Variants in PRRX2 observed in about 807,000 individuals in gnomAD.
PRRX2 encodes paired related homeobox 2, also known as paired mesoderm homeobox protein 2.
Under a neutral mutation model 18.0 loss-of-function variants are expected in PRRX2, and 11 were observed. The observed-to-expected ratio is 0.61, with a 90% CI of 0.39 to 1.01. The LOEUF is 1.01. Ranked by LOEUF, PRRX2 falls within the 50% of genes least tolerant of loss-of-function variation. The pLI is 0.01. For synonymous variants in PRRX2, 177 were observed against 154.8 expected, an observed-to-expected ratio of 1.14 and a Z score of -1.06; for missense variants, 387 against 351.0, an observed-to-expected ratio of 1.10 and a Z score of -0.82.
At chr9:129,703,510 C>T (rs751385946) in intron 1 of PRRX2, among the ~76,000 whole-genome samples, 4 of 152,154 alleles carry the variant, frequency 2.6e-5, no homozygotes, top group African/African-American at 7.2e-5. Flanking sequence ...ATAAATCACC[C>T]CTGATCACTG....
intron 1 of PRRX2, among the ~76,000 whole-genome samples, chr9:129,698,691 C>G (rs1424384065): frequency 6.6e-6 from 1 of 152,174 alleles, no homozygotes; most frequent in East Asian, 1.9e-4. Flanking sequence ...CGCCCCCTCA[C>G]GTCACTACCT....
chr9:129,674,704 T>C (rs1348826332), intron 1 of PRRX2, among the ~76,000 whole-genome samples: 1 of 152,046 alleles, frequency 6.6e-6, no homozygotes, highest in Non-Finnish European at 1.5e-5. Flanking sequence ...CAAGACGCAG[T>C]GAGAAGGGCC....
intron 1 of PRRX2, among the ~76,000 whole-genome samples, chr9:129,698,565 G>A (rs1832458246): frequency 1.3e-5 from 2 of 152,226 alleles, no homozygotes; most frequent in South Asian, 2.1e-4. Context: ...TAGGGTGGGG[G>A]TGTCAGCCAT....
Position 129,665,851 on chromosome 9 carries a change from C to A in PRRX2, c.-17C>A. 9.6e-7 allele frequency: 1 copy of A among 1,036,728 alleles called. No homozygotes were observed. The allele number at this position is 1,036,728 out of a possible 1,614,324, so 64.2% of individuals were successfully genotyped here. A position where few individuals can be genotyped will look rare whatever the true frequency, so the allele number is the denominator to read the frequency against. ...AGCCCGAGACCCCCGCCGGCCCCCC[C>A]GGGGCCGCTCGCGGGCATGGACAGC... is the stretch of plus-strand genomic sequence containing the variant. On this transcript the variant is annotated 5_prime_UTR_variant, in exon 1 of 4. Coordinates refer to ENST00000372469, the MANE Select transcript of PRRX2 (RefSeq NM_016307.4). The surrounding 1 kb of genome is among the most constrained non-coding windows in gnomAD (Gnocchi z 5.3).
Position 129,675,818 on chromosome 9 carries a change from A to T in PRRX2, c.259+9692A>T, listed in dbSNP as rs1231816393. ...CGGGCGCGCCTGGCAGGGGCCTCGC[A>T]GCCTCTCTCGCCGCCAGAGCTCTGC... On this transcript the variant is annotated intron_variant, in intron 1 of 3. Transcript: ENST00000372469. The surrounding 1 kb of genome is among the most constrained non-coding windows in gnomAD (Gnocchi z 4.4). 6.6e-6 allele frequency among the ~76,000 whole-genome samples: 1 copy of T among 152,218 alleles called. No homozygotes were observed. The highest frequency in any genetic ancestry group is 1.5e-5 in the Non-Finnish European group (1 of 68,032).
At chr9:129,689,215 T>G (rs893388665) in intron 1 of PRRX2, among the ~76,000 whole-genome samples, 4 of 152,164 alleles carry the variant, frequency 2.6e-5, no homozygotes, top group Non-Finnish European at 5.9e-5. Context: ...ACAGGGGTCT[T>G]CAGTAAGAAG....
rs1356136415 is a variant in PRRX2 at position 129,694,912 on chromosome 9, C to CT, written c.260-24318dup. On this transcript the variant is annotated intron_variant, in intron 1 of 3. Coordinates refer to ENST00000372469, the MANE Select transcript of PRRX2 (RefSeq NM_016307.4). The stretch of plus-strand genomic sequence containing the variant: ...TTCATGGCTGGGCCAGCCTTCTGGC[C>CT]TGGGGGATTCAGCCACCATCCCCTC... Among the ~76,000 whole-genome samples, 86 of 152,186 alleles carry CT rather than the reference C, an allele frequency of 5.7e-4. 1 individual carries two copies. The highest frequency in any genetic ancestry group is 2.9e-5 in the Non-Finnish European group (2 of 68,028).
intron 1 of PRRX2, among the ~76,000 whole-genome samples, chr9:129,668,778 C>CAAAAA (rs562855941): frequency 4.6e-4 from 27 of 58,226 alleles, no homozygotes; most frequent in East Asian, 2.6e-3. Flanking sequence ...GACTCCATCT[C>CAAAAA]AAAAAAAAAA....
At chr9:129,679,697 C>T (rs1171263777) in intron 1 of PRRX2, among the ~76,000 whole-genome samples, 1 of 152,204 alleles carries the variant, frequency 6.6e-6, no homozygotes, top group Admixed American at 6.5e-5. Flanking sequence ...GGTTCCATAA[C>T]GCTGGAGCAG....
At chr9:129,674,612 C>A (rs962479204) in intron 1 of PRRX2, among the ~76,000 whole-genome samples, 1 of 152,106 alleles carries the variant, frequency 6.6e-6, no homozygotes, top group African/African-American at 2.4e-5. Context: ...AGGGACCCCC[C>A]CGCCCCCAGA....
Position 129,722,383 on chromosome 9 carries a change from C to A in PRRX2, c.*31C>A. On this transcript the variant is annotated 3_prime_UTR_variant, in exon 4 of 4. Transcript: ENST00000372469. Reference sequence around the variant, plus strand: ...AGTCCCACCAGGACCCAGACGCCTCCCTGGGTGGACAGCAATAGAAAAGGG... The same window carrying A: ...AGTCCCACCAGGACCCAGACGCCTCACTGGGTGGACAGCAATAGAAAAGGG... 2 of 1,609,938 alleles carry A rather than the reference C, an allele frequency of 1.2e-6. No homozygotes were observed. The highest frequency in any genetic ancestry group is 1.7e-6 in the Non-Finnish European group (2 of 1,178,036).
intron 1 of PRRX2, among the ~76,000 whole-genome samples, chr9:129,681,294 C>T (rs543247085): frequency 6.2e-4 from 94 of 152,138 alleles, no homozygotes; most frequent in African/African-American, 1.9e-3. Context: ...CTGAGGCGGG[C>T]GGATCACCTG....
At chr9:129,672,181 C>G (rs999545412) in intron 1 of PRRX2, among the ~76,000 whole-genome samples, 2 of 152,162 alleles carry the variant, frequency 1.3e-5, no homozygotes, top group Non-Finnish European at 2.9e-5. Context: ...CTTGAAGATA[C>G]CCTTACAGCA....
chr9:129,720,650 G>A lies in PRRX2; in HGVS notation c.502G>A (p.Ala168Thr). 2 of 1,613,296 alleles carry A rather than the reference G, an allele frequency of 1.2e-6. No homozygotes were observed. Among genetic ancestry groups the A allele is most frequent in the Non-Finnish European group, 1.7e-6 (2 of 1,179,744 alleles). ...CCGCAGGAATGAAAGGGCCATGCTG[G>A]CCAGCCGCTCTGCCTCGCTGCTCAA... Reference protein sequence around the residue: ...KFRRNERAMLASRSASLLKSY... With the variant: ...KFRRNERAMLTSRSASLLKSY... The change falls in exon 3 of 4, where the codon GCC becomes ACC. Residue 168 changes from alanine to threonine, a missense_variant. Coordinates refer to ENST00000372469, the MANE Select transcript of PRRX2 (RefSeq NM_016307.4).
intron 1 of PRRX2, among the ~76,000 whole-genome samples, chr9:129,682,248 CG>C (rs1342973819): frequency 6.6e-6 from 1 of 152,102 alleles, no homozygotes; most frequent in East Asian, 1.9e-4. Context: ...TACTCAGAGG[CG>C]TGGGTGGTGA....
At chr9:129,676,737 A>C (rs924267953) in intron 1 of PRRX2, among the ~76,000 whole-genome samples, 3 of 152,228 alleles carry the variant, frequency 2.0e-5, no homozygotes, top group African/African-American at 7.2e-5. Flanking sequence ...AGGGGCCTCC[A>C]GATGCAGACA....
intron 1 of PRRX2, among the ~76,000 whole-genome samples, chr9:129,674,807 C>A (rs912188738): frequency 3.3e-5 from 5 of 152,132 alleles, no homozygotes; most frequent in African/African-American, 1.2e-4. Flanking sequence ...GCCTCCGTGT[C>A]CCCATCTGCA....
At chr9:129,717,568 C>T (rs147957752) in intron 1 of PRRX2, among the ~76,000 whole-genome samples, 2,797 of 151,604 alleles carry the variant, frequency 0.018, 86 homozygotes, top group African/African-American at 0.063. Flanking sequence ...TGTTGGTGGG[C>T]GCCTGTAATC....
intron 1 of PRRX2, among the ~76,000 whole-genome samples, chr9:129,700,659 CCAGGCTGGAGTG>C (rs1315466415): frequency 2.0e-5 from 3 of 151,410 alleles, no homozygotes; most frequent in African/African-American, 7.3e-5. Context: ...AACCTGTCAC[CCAGGCTGGAGTG>C]CAGTGGCACA....
Sources: allele counts gnomAD v4.1 joint callset (sites outside exome capture counted in the v4.1 genomes callset), GRCh38; gene constraint gnomAD v4.1.1; non-coding constraint Gnocchi (gnomAD v3.1); transcripts MANE v1.5; gene names NCBI Gene and HGNC (gene_info 2026-07-23, HGNC 2026-07-21).